Variants in AGPS observed in about 807,000 individuals in gnomAD.
AGPS encodes alkylglycerone phosphate synthase, also known as alkyldihydroxyacetonephosphate synthase, peroxisomal.
AGPS carries 26 observed loss-of-function variants against 90.7 expected under a neutral mutation model. The observed-to-expected ratio is 0.29, with a 90% CI of 0.21 to 0.40. The LOEUF (loss-of-function observed/expected upper bound fraction) is 0.40. Among genes scored for constraint, AGPS ranks in the 10% least tolerant of loss-of-function variants. The probability of loss-of-function intolerance (pLI) is 1.00; values close to 1 mark genes in which losing one functional copy is unlikely to be tolerated. For missense variants in AGPS, 540 were observed against 816.1 expected, an observed-to-expected ratio of 0.66 and a Z score of 4.12; for synonymous variants, 294 against 285.3, an observed-to-expected ratio of 1.03 and a Z score of -0.31.
At position 177,538,623 on chromosome 2, in the gene AGPS, C is replaced by T. The variant is rs574178840; in HGVS notation, c.*428C>T. The T allele has an allele frequency of 2.7e-4, 68 of 249,520 alleles. No individual in the cohort carries two copies. The highest frequency in any genetic ancestry group is 1.1e-3 in the African/African-American group (48 of 43,344). The allele number at this position is 249,520 out of a possible 1,614,324, so 15.5% of individuals were successfully genotyped here. On this transcript the variant is annotated 3_prime_UTR_variant, in exon 20 of 20. Transcript: ENST00000264167. Reference sequence around the variant, plus strand: ...AAGGATTCCACTGAGGAGTGATACACGTGTACATTGTTTAAGAGCATAGTC... The same window carrying T: ...AAGGATTCCACTGAGGAGTGATACATGTGTACATTGTTTAAGAGCATAGTC...
At chr2:177,523,674 G>T in intron 18 of AGPS, 74 bp from the exon 19 acceptor site, 1 of 1,239,534 alleles carries the variant, frequency 8.1e-7, no homozygotes, top group Non-Finnish European at 1.2e-6. Flanking sequence ...CCTTCTTTGG[G>T]AGTTGGGTCT....
At chr2:177,498,040 G>A (rs1443990750) in intron 13 of AGPS, among the ~76,000 whole-genome samples, 1 of 151,520 alleles carries the variant, frequency 6.6e-6, no homozygotes, top group Non-Finnish European at 1.5e-5. Flanking sequence ...TTTCCTTTAT[G>A]GAAGGTATCC....
chr2:177,494,049 A>T (rs772099318), intron 12 of AGPS, among the ~76,000 whole-genome samples: 2 of 152,334 alleles, frequency 1.3e-5, no homozygotes, highest in Middle Eastern at 3.4e-3. Flanking sequence ...AAAAGATATG[A>T]TAATGGGTTG....
In AGPS at chr2:177,521,184, G is replaced by C. The variant is rs1261001149; in HGVS notation, c.1698-85G>C. The C allele has an allele frequency of 3.6e-6, 4 of 1,106,574 alleles. No homozygotes were observed. The African/African-American group carries it at 4.6e-5, about 13-fold the overall frequency. The allele number at this position is 1,106,574 out of a possible 1,614,324, so 68.5% of individuals were successfully genotyped here. On this transcript the variant is annotated intron_variant, in intron 17 of 19. Coordinates refer to ENST00000264167, the MANE Select transcript of AGPS (RefSeq NM_003659.4). ...AGATTATATCTTAAACTAATCATTT[G>C]GGTCGTCTTGACTTTCAGTTTCTAG...
intron 9 of AGPS, among the ~76,000 whole-genome samples, chr2:177,464,567 A>G (rs951634829): frequency 3.7e-4 from 57 of 152,258 alleles, no homozygotes; most frequent in Admixed American, 5.9e-4. Flanking sequence ...GTACAATGGG[A>G]TATACTTTTC....
chr2:177,436,296 C>A (rs112951064), intron 3 of AGPS, among the ~76,000 whole-genome samples: 2,562 of 151,690 alleles, frequency 0.017, 71 homozygotes, highest in African/African-American at 0.057. Context: ...GGACTACAGG[C>A]GCCCGCCACC....
chr2:177,399,378 G>A (rs1240905886), intron 1 of AGPS, among the ~76,000 whole-genome samples: 1 of 152,144 alleles, frequency 6.6e-6, no homozygotes, highest in African/African-American at 2.4e-5. Flanking sequence ...CTGCCTATTA[G>A]TGTTCTCTTT....
At chr2:177,416,639 C>T (rs547023219) in intron 1 of AGPS, among the ~76,000 whole-genome samples, 1 of 152,104 alleles carries the variant, frequency 6.6e-6, no homozygotes, top group East Asian at 1.9e-4. Context: ...GATTCTCCTG[C>T]CTCAGCCTCC....
intron 1 of AGPS, chr2:177,393,674 A>G: frequency 3.1e-6 from 2 of 644,808 alleles, no homozygotes; most frequent in Non-Finnish European, 3.9e-6. Flanking sequence ...GTGTAACCAG[A>G]AGCTAAAAGA....
chr2:177,527,808 G>A (rs566411433), intron 19 of AGPS, among the ~76,000 whole-genome samples: 63 of 152,148 alleles, frequency 4.1e-4, no homozygotes, highest in African/African-American at 1.3e-3. Context: ...ACGTTTGATG[G>A]CATATTAATT....
chr2:177,443,310 T>C (rs141594672), intron 7 of AGPS, among the ~76,000 whole-genome samples: 1 of 152,346 alleles, frequency 6.6e-6, no homozygotes, highest in Non-Finnish European at 1.5e-5. Flanking sequence ...CACATTTGCT[T>C]TCCATTGTAG....
rs182213742 is a variant in AGPS, at chr2:177,409,061, C to T, written c.261-11208C>T. On this transcript the variant is annotated intron_variant, in intron 1 of 19. Coordinates refer to ENST00000264167, the MANE Select transcript of AGPS (RefSeq NM_003659.4). ...TGGGTCCTGCTTTTAATGCTTTCTTCTCTTCCCCCAAACTTTATGGGGTTC... is the reference window on the plus strand; with the variant it reads ...TGGGTCCTGCTTTTAATGCTTTCTTTTCTTCCCCCAAACTTTATGGGGTTC... 1.2e-3 allele frequency among the ~76,000 whole-genome samples: 187 copies of T among 152,246 alleles called. 1 individual carries two copies. In the Middle Eastern group the frequency reaches 0.02, roughly 17 times the overall value.
intron 15 of AGPS, among the ~76,000 whole-genome samples, chr2:177,507,202 C>T (rs981601708): frequency 6.6e-6 from 1 of 151,862 alleles, no homozygotes; most frequent in Non-Finnish European, 1.5e-5. Flanking sequence ...TCCCCAAACA[C>T]AGGTGGGTTG....
intron 16 of AGPS, among the ~76,000 whole-genome samples, chr2:177,511,294 C>T (rs1361054525): frequency 1.3e-5 from 2 of 151,934 alleles, no homozygotes; most frequent in African/African-American, 2.4e-5. Flanking sequence ...GATGAGGTCT[C>T]ATTATGTTGC....
intron 12 of AGPS, among the ~76,000 whole-genome samples, chr2:177,495,467 A>T (rs760676323): frequency 2.6e-5 from 4 of 152,210 alleles, no homozygotes; most frequent in Non-Finnish European, 5.9e-5. Flanking sequence ...AAAGCCCAGG[A>T]GTTTTTGCAC....
chr2:177,478,193 G>C (rs1352493368), intron 10 of AGPS, among the ~76,000 whole-genome samples: 1 of 152,090 alleles, frequency 6.6e-6, no homozygotes. Flanking sequence ...GACTTTCATT[G>C]TTTCTGCTGA....
At chr2:177,474,006 C>G (rs1687702581) in intron 10 of AGPS, among the ~76,000 whole-genome samples, 1 of 152,064 alleles carries the variant, frequency 6.6e-6, no homozygotes, top group Non-Finnish European at 1.5e-5. Flanking sequence ...AGTCATGATG[C>G]CTTCTTACTA....
intron 9 of AGPS, among the ~76,000 whole-genome samples, chr2:177,467,651 G>A (rs1468641948): frequency 1.3e-5 from 2 of 152,024 alleles, no homozygotes; most frequent in Non-Finnish European, 2.9e-5. Flanking sequence ...GTCCTCATTG[G>A]CAATTTTTAT....
intron 1 of AGPS, chr2:177,393,266 G>A: frequency 1.0e-6 from 1 of 985,406 alleles, no homozygotes; most frequent in Non-Finnish European, 1.2e-6. Context: ...TGGTCACTAT[G>A]TGAGGGTAAC....
Sources: allele counts gnomAD v4.1 joint callset (sites outside exome capture counted in the v4.1 genomes callset), GRCh38; gene constraint gnomAD v4.1.1; transcripts MANE v1.5; gene names NCBI Gene and HGNC (gene_info 2026-07-23, HGNC 2026-07-21).